The following MBD5 variants were observed in gnomAD, a reference collection of about 807,000 sequenced individuals.
MBD5 encodes methyl-CpG binding domain protein 5, also known as methyl-CpG-binding domain protein 5.
Under a neutral mutation model 117.3 loss-of-function variants are expected in MBD5, and 13 were observed. That is an observed-to-expected ratio of 0.11 (90% CI 0.07 to 0.18). The LOEUF is 0.18. MBD5 is among the 10% of genes least tolerant of loss of function. MBD5 has a pLI of 1.00. For missense variants in MBD5, 1,879 were observed against 2,093.8 expected, an observed-to-expected ratio of 0.90 and a Z score of 2.00; for synonymous variants, 727 against 766.4, an observed-to-expected ratio of 0.95 and a Z score of 0.85.
At chr2:148,139,734 A>AC (rs1306019094) in intron 1 of MBD5, among the ~76,000 whole-genome samples, 1 of 151,252 alleles carries the variant, frequency 6.6e-6, no homozygotes, top group Non-Finnish European at 1.5e-5. Context: ...AACAATAGCT[A>AC]CCCCCCTGCA....
chr2:148,239,892 C>G (rs1700176377), intron 3 of MBD5, among the ~76,000 whole-genome samples: 1 of 152,088 alleles, frequency 6.6e-6, no homozygotes, highest in Non-Finnish European at 1.5e-5. Context: ...GAAACGGGGT[C>G]TTGCCCAGCC....
rs185856515 is a variant in MBD5, at chr2:148,361,662, G to T, written c.-557+19326G>T. Among the ~76,000 whole-genome samples, 405 of 152,306 alleles carry T rather than the reference G, an allele frequency of 2.7e-3. 2 individuals carry two copies. The highest frequency in any genetic ancestry group is 6.2e-3 in the South Asian group (30 of 4,832). The stretch of plus-strand genomic sequence containing the variant: ...CAATAGTTATTTTTAAAGACACGTT[G>T]CCAATCCCATAGTTTGGACAACAAT... On this transcript the variant is annotated intron_variant, in intron 4 of 13. Transcript: ENST00000642680.
intron 1 of MBD5, among the ~76,000 whole-genome samples, chr2:148,051,216 G>C (rs908565128): frequency 2.0e-5 from 3 of 151,738 alleles, no homozygotes; most frequent in Non-Finnish European, 4.4e-5. Flanking sequence ...TTTCATTTTT[G>C]GTTTGTTCAT....
Position 148,512,990 on chromosome 2 carries a change from G to C in MBD5, c.*49G>C. The C allele has an allele frequency of 6.6e-7, 1 of 1,518,524 alleles. No individual in the cohort carries two copies. The highest frequency in any genetic ancestry group is 2.3e-5 in the East Asian group (1 of 44,396). 94.1% of individuals were successfully genotyped at this position (1,518,524 alleles called of 1,614,324 possible). On this transcript the variant is annotated 3_prime_UTR_variant, in exon 14 of 14. Transcript: ENST00000642680. ...AGTGTTTATTAAAGGAACATGCACA[G>C]ATGTATCTGTATATAGGTATTGATA...
chr2:148,218,894 A>G (rs1161132708), intron 2 of MBD5, among the ~76,000 whole-genome samples: 1 of 152,220 alleles, frequency 6.6e-6, no homozygotes, highest in African/African-American at 2.4e-5. Flanking sequence ...GCGAAGGCCT[A>G]GGACATTACT....
intron 5 of MBD5, among the ~76,000 whole-genome samples, chr2:148,461,892 G>A (rs1409538355): frequency 6.6e-6 from 1 of 152,108 alleles, no homozygotes; most frequent in Non-Finnish European, 1.5e-5. Context: ...GACCTGCGAG[G>A]CACATTTCTG....
intron 1 of MBD5, among the ~76,000 whole-genome samples, chr2:148,162,615 A>T (rs1007925286): frequency 3.3e-5 from 5 of 152,218 alleles, no homozygotes; most frequent in Admixed American, 1.3e-4. Flanking sequence ...ACTAGTAAAA[A>T]TTAGCAATAG....
At chr2:148,045,755 A>C (rs896782873) in intron 1 of MBD5, among the ~76,000 whole-genome samples, 1 of 152,140 alleles carries the variant, frequency 6.6e-6, no homozygotes, top group Non-Finnish European at 1.5e-5. Context: ...CCTACTAGTA[A>C]ATGTAAAGAG....
chr2:148,332,581 G>A (rs1015113994), intron 3 of MBD5, among the ~76,000 whole-genome samples: 1 of 152,046 alleles, frequency 6.6e-6, no homozygotes, highest in Non-Finnish European at 1.5e-5. Flanking sequence ...TAGGATTCTG[G>A]TTTGTAATTC....
At chr2:148,075,962 A>G (rs951129886) in intron 1 of MBD5, among the ~76,000 whole-genome samples, 1 of 152,170 alleles carries the variant, frequency 6.6e-6, no homozygotes, top group Non-Finnish European at 1.5e-5. Context: ...TTAGTTTGCA[A>G]GAAATCAGGA....
At chr2:148,456,268 G>A (rs946727178) in intron 4 of MBD5, among the ~76,000 whole-genome samples, 1 of 152,152 alleles carries the variant, frequency 6.6e-6, no homozygotes. Context: ...TGTCTGGTAA[G>A]GGACTACTTT....
intron 4 of MBD5, among the ~76,000 whole-genome samples, chr2:148,399,517 T>G (rs962012895): frequency 2.3e-4 from 35 of 152,220 alleles, no homozygotes; most frequent in Non-Finnish European, 4.7e-4. Flanking sequence ...TCCTGAGACT[T>G]TGCTGAAGAT....
At chr2:148,171,167 C>T (rs1166829080) in intron 1 of MBD5, among the ~76,000 whole-genome samples, 1 of 152,110 alleles carries the variant, frequency 6.6e-6, no homozygotes, top group Non-Finnish European at 1.5e-5. Flanking sequence ...CAAAGCCAGA[C>T]AAGGACATTT....
In MBD5 at chr2:148,371,971, A is replaced by G. The variant is rs540486812; in HGVS notation, c.-557+29635A>G. Among the ~76,000 whole-genome samples, 6 of 152,256 alleles carry G rather than the reference A, an allele frequency of 3.9e-5. No homozygotes were observed. In the South Asian group the frequency reaches 1.2e-3, roughly 32 times the overall value. ...ACATATGTACCAAATACTGTGGTTG[A>G]GCTAAAGCTGTAGACATAGAAGATA... On this transcript the variant is annotated intron_variant, in intron 4 of 13. Transcript: ENST00000642680.
intron 11 of MBD5, among the ~76,000 whole-genome samples, chr2:148,493,297 C>T (rs1681587200): frequency 6.6e-6 from 1 of 152,116 alleles, no homozygotes; most frequent in Non-Finnish European, 1.5e-5. Flanking sequence ...TCTATGTCCA[C>T]CAAAGAATCC....
intron 4 of MBD5, among the ~76,000 whole-genome samples, chr2:148,433,999 G>T (rs1248075335): frequency 6.6e-6 from 1 of 151,582 alleles, no homozygotes; most frequent in Non-Finnish European, 1.5e-5. Context: ...GTAGAATTCA[G>T]CTGTGAATCC....
intron 13 of MBD5, among the ~76,000 whole-genome samples, chr2:148,511,679 G>T (rs989850485): frequency 1.3e-5 from 2 of 152,144 alleles, no homozygotes; most frequent in Non-Finnish European, 2.9e-5. Context: ...TTACTAGTTT[G>T]CAGTCTCAGT....
At chr2:148,502,349 C>T (rs1358260083) in intron 11 of MBD5, 87 bp from the exon 12 acceptor site, 1 of 1,206,126 alleles carries the variant, frequency 8.3e-7, no homozygotes, top group African/African-American at 1.5e-5. Context: ...GCCAGTGCAG[C>T]ACCTGCTTGT....
chr2:148,041,885 T>G (rs1694369775), intron 1 of MBD5, among the ~76,000 whole-genome samples: 1 of 152,186 alleles, frequency 6.6e-6, no homozygotes, highest in African/African-American at 2.4e-5. Context: ...TAAGAAAGTC[T>G]TAACATGGAA....
Sources: allele counts gnomAD v4.1 joint callset (sites outside exome capture counted in the v4.1 genomes callset), GRCh38; gene constraint gnomAD v4.1.1; transcripts MANE v1.5; gene names NCBI Gene and HGNC (gene_info 2026-07-23, HGNC 2026-07-21).